The following TRAF3IP1 variants were observed in gnomAD, a reference collection of about 807,000 sequenced individuals.
TRAF3IP1 encodes the protein intraflagellar transport 54, also known as TRAF3-interacting protein 1.
TRAF3IP1 carries 53 observed loss-of-function variants against 89.9 expected under a neutral mutation model. The observed-to-expected ratio is 0.59, with a 90% CI of 0.47 to 0.74. The LOEUF is 0.74. Among genes scored for constraint, TRAF3IP1 ranks in the 30% least tolerant of loss-of-function variants. The pLI, the probability that TRAF3IP1 is intolerant of heterozygous loss-of-function variation, is 0.00. For missense variants in TRAF3IP1, 806 were observed against 866.1 expected (o/e 0.93, Z 0.87); for synonymous variants, 311 against 322.1 (o/e 0.97, Z 0.37).
intron 1 of TRAF3IP1, 34 bp downstream of exon 1, chr2:238,320,819 G>T: frequency 7.3e-7 from 1 of 1,364,336 alleles, no homozygotes; most frequent in Non-Finnish European, 9.6e-7. Flanking sequence ...GCCAGGTGCG[G>T]GTCGGGATTC....
chr2:238,394,011 C>T (rs1701106115), intron 15 of TRAF3IP1, among the ~76,000 whole-genome samples: 2 of 152,162 alleles, frequency 1.3e-5, no homozygotes, highest in South Asian at 4.1e-4. Context: ...CCAACCTGGC[C>T]AACATGGTGA....
chr2:238,392,733 C>T (rs922667807), intron 15 of TRAF3IP1, among the ~76,000 whole-genome samples: 65 of 152,162 alleles, frequency 4.3e-4, no homozygotes, highest in African/African-American at 1.5e-3. Context: ...TGCGCCACCG[C>T]GCCCAGCTAA....
intron 15 of TRAF3IP1, among the ~76,000 whole-genome samples, chr2:238,376,157 A>G (rs1700305666): frequency 6.6e-6 from 1 of 152,228 alleles, no homozygotes; most frequent in Non-Finnish European, 1.5e-5. Context: ...CAATATATAA[A>G]TGCATGAGCG....
intron 1 of TRAF3IP1, 61 bp from the exon 2 acceptor site, chr2:238,325,245 A>T: frequency 6.6e-7 from 1 of 1,513,134 alleles, no homozygotes; most frequent in Non-Finnish European, 9.2e-7. Context: ...AGTTGAGTGG[A>T]TGAGGCTGAT....
At chr2:238,372,333 A>G (rs1700144687) in intron 15 of TRAF3IP1, among the ~76,000 whole-genome samples, 1 of 150,494 alleles carries the variant, frequency 6.6e-6, no homozygotes, top group South Asian at 2.1e-4. Flanking sequence ...CCCTGTGTCC[A>G]TGTGTTCTCA....
chr2:238,385,237 C>T (rs1229442963), intron 15 of TRAF3IP1, among the ~76,000 whole-genome samples: 7 of 151,366 alleles, frequency 4.6e-5, no homozygotes, highest in African/African-American at 9.7e-5. Context: ...AGGATGGTCT[C>T]GATCTCCTGA....
intron 15 of TRAF3IP1, among the ~76,000 whole-genome samples, chr2:238,362,891 C>G (rs558981634): frequency 4.6e-5 from 7 of 152,316 alleles, no homozygotes; most frequent in African/African-American, 1.7e-4. Context: ...CACACAGTGG[C>G]GGGAAGCTTT....
chr2:238,330,711 T>G (rs1462589331), intron 5 of TRAF3IP1, among the ~76,000 whole-genome samples: 1 of 152,232 alleles, frequency 6.6e-6, no homozygotes, highest in Non-Finnish European at 1.5e-5. Context: ...GGGGTCAGTA[T>G]AAGCCCATTT....
intron 15 of TRAF3IP1, among the ~76,000 whole-genome samples, chr2:238,366,877 G>T (rs1699898322): frequency 6.6e-6 from 1 of 152,046 alleles, no homozygotes; most frequent in African/African-American, 2.4e-5. Context: ...ATGAAAATTA[G>T]TGGAGGCTGG....
chr2:238,399,881 T>G lies in TRAF3IP1; in HGVS notation c.*962T>G, dbSNP rs922867790. 2.0e-5 allele frequency: 3 copies of G among 152,188 alleles called. No homozygotes were observed. Among genetic ancestry groups the G allele is most frequent in the Non-Finnish European group, 4.4e-5 (3 of 68,022 alleles). 9.4% of individuals were successfully genotyped at this position (152,188 alleles called of 1,614,324 possible). A position where few individuals can be genotyped will look rare whatever the true frequency, so the allele number is the denominator to read the frequency against. ...GGAAATTGTTTTTTAAAGCAAAAGT[T>G]TTTTAAAAACATGGTTTATAGTTTT... On this transcript the variant is annotated 3_prime_UTR_variant, in exon 17 of 17. Coordinates refer to ENST00000373327, the MANE Select transcript of TRAF3IP1 (RefSeq NM_015650.4).
chr2:238,388,824 G>A (rs1700883151), intron 15 of TRAF3IP1, among the ~76,000 whole-genome samples: 1 of 151,822 alleles, frequency 6.6e-6, no homozygotes, highest in African/African-American at 2.4e-5. Flanking sequence ...TATAGAGATG[G>A]AGTTTCACCA....
chr2:238,336,961 G>C (rs1293878846), intron 7 of TRAF3IP1, among the ~76,000 whole-genome samples: 1 of 151,924 alleles, frequency 6.6e-6, no homozygotes, highest in Non-Finnish European at 1.5e-5. Flanking sequence ...GGAAGTCTGT[G>C]GGGGTGGTTG....
intron 8 of TRAF3IP1, among the ~76,000 whole-genome samples, chr2:238,338,833 G>T (rs1376429252): frequency 3.3e-5 from 5 of 152,222 alleles, no homozygotes; most frequent in Non-Finnish European, 4.4e-5. Context: ...TCGCAGTAGA[G>T]ATGTTTAAAG....
chr2:238,343,667 C>T (rs61523197), intron 8 of TRAF3IP1, among the ~76,000 whole-genome samples: 15,668 of 118,662 alleles, frequency 0.13, 1,613 homozygotes, highest in African/African-American at 0.31. Flanking sequence ...TTTTTTTTTT[C>T]CCCGAGATAG....
chr2:238,394,759 G>A (rs1701137623), intron 15 of TRAF3IP1, among the ~76,000 whole-genome samples: 1 of 152,182 alleles, frequency 6.6e-6, no homozygotes, highest in Non-Finnish European at 1.5e-5. Context: ...ACTTGTCCAA[G>A]CCAGTAAATG....
At chr2:238,332,963 C>A in intron 6 of TRAF3IP1, 68 bp downstream of exon 6, 1 of 1,215,258 alleles carries the variant, frequency 8.2e-7, no homozygotes, top group Non-Finnish European at 1.2e-6. Context: ...GAATGCTGTG[C>A]GCTCCCCGGG....
chr2:238,348,489 G>C (rs144255466), intron 10 of TRAF3IP1, among the ~76,000 whole-genome samples: 1 of 152,082 alleles, frequency 6.6e-6, no homozygotes, highest in Non-Finnish European at 1.5e-5. Flanking sequence ...CAGTTGATCA[G>C]CCTGCCTTTT....
At chr2:238,394,319 A>G (rs1057155182) in intron 15 of TRAF3IP1, among the ~76,000 whole-genome samples, 34 of 152,246 alleles carry the variant, frequency 2.2e-4, no homozygotes, top group African/African-American at 8.2e-4. Flanking sequence ...TGTCTATACA[A>G]AAACATTGGC....
At chr2:238,331,600 C>T (rs1036092399) in intron 5 of TRAF3IP1, among the ~76,000 whole-genome samples, 8 of 152,150 alleles carry the variant, frequency 5.3e-5, no homozygotes, top group Admixed American at 2.0e-4. Flanking sequence ...TTTTCCTACT[C>T]GAGGCTGTTG....
Sources: allele counts gnomAD v4.1 joint callset (sites outside exome capture counted in the v4.1 genomes callset), GRCh38; gene constraint gnomAD v4.1.1; transcripts MANE v1.5; gene names NCBI Gene and HGNC (gene_info 2026-07-23, HGNC 2026-07-21).